Variants in DYNC1I1 observed in about 807,000 individuals in gnomAD.
DYNC1I1 encodes dynein cytoplasmic 1 intermediate chain 1.
In DYNC1I1, 43 loss-of-function variants were observed where a neutral mutation model predicts 86.6. That is an observed-to-expected ratio of 0.50 (90% CI 0.39 to 0.64). DYNC1I1 has a LOEUF of 0.64. DYNC1I1 is among the 30% of genes least tolerant of loss of function. The pLI, the probability that DYNC1I1 is intolerant of heterozygous loss-of-function variation, is 0.00. For missense variants in DYNC1I1, 604 were observed against 788.8 expected (o/e 0.77, Z 2.81); for synonymous variants, 262 against 283.7 (o/e 0.92, Z 0.77).
chr7:96,099,912 C>T (rs1791102134), downstream of DYNC1I1, among the ~76,000 whole-genome samples: 1 of 152,146 alleles, frequency 6.6e-6, no homozygotes, highest in African/African-American at 2.4e-5. Flanking sequence ...CACAACTACC[C>T]TGAGACTTCC....
At chr7:95,911,579 G>T (rs563271131) in intron 6 of DYNC1I1, among the ~76,000 whole-genome samples, 6 of 152,276 alleles carry the variant, frequency 3.9e-5, no homozygotes, top group African/African-American at 1.4e-4. Context: ...CTTACATTTA[G>T]GAAATAGTTG....
chr7:95,778,012 A>G (rs2115627312), intron 1 of DYNC1I1, among the ~76,000 whole-genome samples: 1 of 152,352 alleles, frequency 6.6e-6, no homozygotes, highest in East Asian at 1.9e-4. Flanking sequence ...TAAAACCGTG[A>G]CATCATTCTT....
chr7:96,067,314 G>T (rs1337057146), intron 14 of DYNC1I1, among the ~76,000 whole-genome samples: 5 of 151,988 alleles, frequency 3.3e-5, no homozygotes, highest in Non-Finnish European at 7.4e-5. Context: ...TGTTCAGGTG[G>T]TGTCTGACTT....
At chr7:95,798,032 C>T (rs1794487122) in intron 1 of DYNC1I1, among the ~76,000 whole-genome samples, 1 of 151,332 alleles carries the variant, frequency 6.6e-6, no homozygotes, top group South Asian at 2.1e-4. Flanking sequence ...TAATTAAATA[C>T]TTAAAGTTTT....
At chr7:95,849,078 T>G (rs1789511436) in intron 5 of DYNC1I1, among the ~76,000 whole-genome samples, 1 of 152,086 alleles carries the variant, frequency 6.6e-6, no homozygotes, top group Non-Finnish European at 1.5e-5. Context: ...ATCTGGTTAT[T>G]GTTTTCTTGC....
chr7:95,847,197 TA>T (rs1278083324), intron 5 of DYNC1I1, among the ~76,000 whole-genome samples: 3 of 152,218 alleles, frequency 2.0e-5, no homozygotes, highest in Non-Finnish European at 4.4e-5. Context: ...AGATCTGTCC[TA>T]AATTCTTTTC....
chr7:96,001,936 G>C (rs991669933), intron 10 of DYNC1I1, among the ~76,000 whole-genome samples: 1 of 152,100 alleles, frequency 6.6e-6, no homozygotes, highest in African/African-American at 2.4e-5. Context: ...ACATCTGTTT[G>C]TTTTACTATT....
intron 10 of DYNC1I1, among the ~76,000 whole-genome samples, chr7:95,998,727 G>A (rs558592408): frequency 1.4e-4 from 21 of 152,252 alleles, no homozygotes; most frequent in African/African-American, 2.4e-4. Context: ...GAGTAATTGC[G>A]TAGCTATTCA....
At chr7:95,923,771 C>T (rs1432540905) in intron 6 of DYNC1I1, among the ~76,000 whole-genome samples, 1 of 152,034 alleles carries the variant, frequency 6.6e-6, no homozygotes, top group East Asian at 1.9e-4. Flanking sequence ...ACAAGATGCA[C>T]CCATTCAGAA....
intron 5 of DYNC1I1, among the ~76,000 whole-genome samples, chr7:95,834,991 A>T: frequency 7.3e-6 from 1 of 137,358 alleles, no homozygotes; most frequent in African/African-American, 2.8e-5. Context: ...CTCTGATTTT[A>T]GTTATTTCTT....
chr7:95,849,086 T>C (rs79277442), intron 5 of DYNC1I1, among the ~76,000 whole-genome samples: 10,776 of 152,206 alleles, frequency 0.071, 469 homozygotes, highest in Non-Finnish European at 0.096. Context: ...ATTGTTTTCT[T>C]GCTATTAAAT....
intron 6 of DYNC1I1, among the ~76,000 whole-genome samples, chr7:95,933,490 A>C (rs1008222138): frequency 6.6e-6 from 1 of 152,188 alleles, no homozygotes; most frequent in Non-Finnish European, 1.5e-5. Context: ...TAAGGAAATA[A>C]TTTTGTTTCT....
intron 16 of DYNC1I1, among the ~76,000 whole-genome samples, chr7:96,105,760 C>A (rs1047215366): frequency 7.7e-4 from 117 of 152,238 alleles, no homozygotes; most frequent in African/African-American, 2.6e-3. Context: ...ACTACTGAAG[C>A]CATCTGGCCC....
intron 10 of DYNC1I1, among the ~76,000 whole-genome samples, chr7:96,009,788 T>C (rs1794228870): frequency 2.0e-5 from 3 of 152,106 alleles, no homozygotes; most frequent in African/African-American, 7.2e-5. Context: ...GACTTCTTTT[T>C]TTTTTTTAAG....
At chr7:95,801,253 A>T (rs1337811756) in intron 1 of DYNC1I1, among the ~76,000 whole-genome samples, 1 of 152,206 alleles carries the variant, frequency 6.6e-6, no homozygotes, top group Non-Finnish European at 1.5e-5. Flanking sequence ...AAGTTCCCTC[A>T]ATGTTTTTAT....
chr7:96,082,683 AAC>A (rs1215137815), intron 16 of DYNC1I1, among the ~76,000 whole-genome samples: 2 of 152,224 alleles, frequency 1.3e-5, no homozygotes, highest in South Asian at 2.1e-4. Context: ...GCAATAAGGA[AAC>A]ACAATATGAC....
chr7:95,918,449 A>G (rs1791525506), intron 6 of DYNC1I1, among the ~76,000 whole-genome samples: 1 of 152,016 alleles, frequency 6.6e-6, no homozygotes, highest in Non-Finnish European at 1.5e-5. Context: ...GGGGCTCCCC[A>G]CCCTTCCTGG....
intron 10 of DYNC1I1, among the ~76,000 whole-genome samples, chr7:96,008,020 T>G (rs1794184011): frequency 6.6e-6 from 1 of 152,186 alleles, no homozygotes; most frequent in South Asian, 2.1e-4. Flanking sequence ...TATTTATTAT[T>G]GCACTTGGGA....
rs560245418 is a variant in DYNC1I1 at position 95,952,351 on chromosome 7, C to T, written c.491-25161C>T. On this transcript the variant is annotated intron_variant, in intron 6 of 16. Coordinates refer to ENST00000447467, the MANE Select transcript of DYNC1I1 (RefSeq NM_001135556.2). The stretch of plus-strand genomic sequence containing the variant: ...ACTTTTTTAGCTTATACTTTCCTCC[C>T]CTTTGCAACTCCCTTCACTAATGGC... Among the ~76,000 whole-genome samples, 8 of 152,244 alleles carry T rather than the reference C, an allele frequency of 5.3e-5. No individual in the cohort carries two copies. In the East Asian group the frequency reaches 1.4e-3, roughly 26 times the overall value.
Sources: allele counts gnomAD v4.1 joint callset (sites outside exome capture counted in the v4.1 genomes callset), GRCh38; gene constraint gnomAD v4.1.1; transcripts MANE v1.5; gene names NCBI Gene and HGNC (gene_info 2026-07-23, HGNC 2026-07-21).